ADGRB2: variants seen among roughly 807,000 people sequenced by gnomAD.
The protein encoded by ADGRB2 is brain-specific angiogenesis inhibitor 2.
A neutral mutation model predicts 178.7 loss-of-function variants in ADGRB2; 47 were observed. The observed-to-expected ratio is 0.26, with a 90% CI of 0.21 to 0.34. ADGRB2 has a LOEUF of 0.34. Among genes scored for constraint, ADGRB2 ranks in the 10% least tolerant of loss-of-function variants. ADGRB2 has a pLI of 1.00. For synonymous variants in ADGRB2, 870 were observed against 912.4 expected, an observed-to-expected ratio of 0.95 and a Z score of 0.84; for missense variants, 1,584 against 2,180.8, an observed-to-expected ratio of 0.73 and a Z score of 5.45.
Position 31,727,770 on chromosome 1 carries a change from G to C in ADGRB2, c.4573-165C>G. 1.1e-6 allele frequency: 1 copy of C among 898,278 alleles called. No homozygotes were observed. The highest frequency in any genetic ancestry group is 1.6e-6 in the Non-Finnish European group (1 of 614,980). The allele number at this position is 898,278 out of a possible 1,614,324, so 55.6% of individuals were successfully genotyped here. A position where few individuals can be genotyped will look rare whatever the true frequency, so the allele number is the denominator to read the frequency against. On this transcript the variant is annotated intron_variant, in intron 32 of 32. Transcript: ENST00000373658. This position sits in a 1 kb window ranked among gnomAD's most constrained non-coding sequence, Gnocchi z 4.4. Reference sequence around the variant, plus strand: ...CAGACCTGCCTGGTTCCAGGGTGGGGCTCCTGACCCCTGTTCTCAGTGGCC... The same window carrying C: ...CAGACCTGCCTGGTTCCAGGGTGGGCCTCCTGACCCCTGTTCTCAGTGGCC...
chr1:31,762,869 C>G (rs1647082834), intron 1 of ADGRB2, among the ~76,000 whole-genome samples: 1 of 152,174 alleles, frequency 6.6e-6, no homozygotes, highest in African/African-American at 2.4e-5. Context: ...GCGAGGCGGG[C>G]AGGCAGGCGG....
intron 7 of ADGRB2, 37 bp downstream of exon 7, chr1:31,742,801 G>C: frequency 7.1e-7 from 1 of 1,400,736 alleles, no homozygotes; most frequent in East Asian, 3.0e-5. Flanking sequence ...CACCGGGCTG[G>C]GCAGCGCCCT....
At chr1:31,757,704 G>A (rs1022145058) in intron 1 of ADGRB2, among the ~76,000 whole-genome samples, 193 bp from the exon 2 acceptor site, 3 of 152,136 alleles carry the variant, frequency 2.0e-5, no homozygotes, top group African/African-American at 7.2e-5. Flanking sequence ...GCCTGGTTCA[G>A]GGCCTGCTAC....
chr1:31,751,190 C>A (rs570972673), intron 4 of ADGRB2, among the ~76,000 whole-genome samples: 36 of 152,248 alleles, frequency 2.4e-4, no homozygotes, highest in Non-Finnish European at 4.8e-4. Flanking sequence ...CACACCTCCA[C>A]GCCCTTGCAC....
Position 31,753,682 on chromosome 1 carries a change from G to A in ADGRB2, c.838+2317C>T, listed in dbSNP as rs1570042972. Among the ~76,000 whole-genome samples the A allele has an allele frequency of 6.6e-6, 1 of 152,246 alleles. No homozygotes were observed. Among genetic ancestry groups the A allele is most frequent in the Non-Finnish European group, 1.5e-5 (1 of 68,042 alleles). ...GGAGGAGACAAGGGGAGGAATGGAG[G>A]GGGCCAAAGGCTCGGCAAAGGTGGT... is the stretch of plus-strand genomic sequence containing the variant. On this transcript the variant is annotated intron_variant, in intron 4 of 32. Coordinates refer to ENST00000373658, the MANE Select transcript of ADGRB2 (RefSeq NM_001364857.2). This position sits in a 1 kb window ranked among gnomAD's most constrained non-coding sequence, Gnocchi z 4.1.
At chr1:31,732,343 G>C (rs1226309933) in intron 27 of ADGRB2, among the ~76,000 whole-genome samples, 174 bp downstream of exon 27, 1 of 152,272 alleles carries the variant, frequency 6.6e-6, no homozygotes, top group African/African-American at 2.4e-5. Context: ...TAGGAAAACT[G>C]AGTGGGGGAA....
intron 4 of ADGRB2, among the ~76,000 whole-genome samples, chr1:31,749,256 C>G (rs1202491353): frequency 6.6e-6 from 1 of 152,196 alleles, no homozygotes; most frequent in Non-Finnish European, 1.5e-5. Context: ...CACCACTCCC[C>G]AGCTGAGGAA....
chr1:31,761,041 G>A lies in ADGRB2; in HGVS notation c.-191+2843C>T, dbSNP rs536035888. Reference sequence around the variant, plus strand: ...CTGGGGGCGGTGCCGCGCGGGCGGCGGGGGAGGGGGCGGTGACTCAGCCGC... The same window carrying A: ...CTGGGGGCGGTGCCGCGCGGGCGGCAGGGGAGGGGGCGGTGACTCAGCCGC... On this transcript the variant is annotated intron_variant, in intron 1 of 32. Coordinates refer to ENST00000373658, the MANE Select transcript of ADGRB2 (RefSeq NM_001364857.2). The surrounding 1 kb of genome is among the most constrained non-coding windows in gnomAD (Gnocchi z 4.2). 4 of 152,256 alleles carry A rather than the reference G, an allele frequency of 2.6e-5. No individual in the cohort carries two copies. Among genetic ancestry groups the A allele is most frequent in the Admixed American group, 2.6e-4 (4 of 15,304 alleles). 9.4% of individuals were successfully genotyped at this position (152,256 alleles called of 1,614,324 possible). A position where few individuals can be genotyped will look rare whatever the true frequency, so the allele number is the denominator to read the frequency against.
chr1:31,732,783 G>A (rs1645359711), intron 26 of ADGRB2, among the ~76,000 whole-genome samples, 171 bp from the exon 27 acceptor site: 1 of 152,248 alleles, frequency 6.6e-6, no homozygotes, highest in Non-Finnish European at 1.5e-5. Context: ...GGAGACCCAG[G>A]AGGCCAAGGA....
In ADGRB2 at chr1:31,728,533, T is replaced by C. The variant is rs960588451; in HGVS notation, c.4416+65A>G. 7 of 1,606,400 alleles carry C rather than the reference T, an allele frequency of 4.4e-6. No homozygotes were observed. Among genetic ancestry groups the C allele is most frequent in the Non-Finnish European group, 5.1e-6 (6 of 1,173,162 alleles). On this transcript the variant is annotated intron_variant, in intron 30 of 32. Transcript: ENST00000373658. The surrounding 1 kb of genome is among the most constrained non-coding windows in gnomAD (Gnocchi z 6.7). ...ACAGAGCTTGGACTACTTTTAGGAG[T>C]GAGCCCTCCAGGGACAGACACCACA...
Position 31,727,581 on chromosome 1 carries a change from G to T in ADGRB2, c.4597C>A (p.Pro1533Thr), listed in dbSNP as rs766754899. ...CTDKPSPGER[P>T]SLSQHRRHQS... ...TGGCGCCGATGTTGGGACAAGCTGG[G>T]GCGCTCCCCAGGGCTGGGCTTATCC... The change falls in exon 33 of 33, where the codon CCC becomes ACC. Residue 1533 changes from proline to threonine, a missense_variant. By Grantham distance (38) the Pro-to-Thr change is conservative (BLOSUM62 -1). Around this residue, in one of 3 missense-constraint regions of ADGRB2, gnomAD observed 865 missense variants for 1,192.8 expected, o/e 0.73. Coordinates refer to ENST00000373658, the MANE Select transcript of ADGRB2 (RefSeq NM_001364857.2). The surrounding 1 kb of genome is among the most constrained non-coding windows in gnomAD (Gnocchi z 4.4). 2 of 1,559,582 alleles carry T rather than the reference G, an allele frequency of 1.3e-6. No homozygotes were observed. The highest frequency in any genetic ancestry group is 2.5e-5 in the South Asian group (2 of 81,464).
intron 28 of ADGRB2, 39 bp from the exon 29 acceptor site, chr1:31,731,458 G>A (rs750192963): frequency 7.2e-6 from 11 of 1,535,164 alleles, no homozygotes; most frequent in Non-Finnish European, 9.6e-6. Context: ...GAGTCCTGAG[G>A]AGAAGGAACC....
rs1227279729 is a variant in ADGRB2, at chr1:31,752,503, C to T, written c.838+3496G>A. Among the ~76,000 whole-genome samples the T allele has an allele frequency of 2.6e-5, 4 of 152,134 alleles. No homozygotes were observed. The South Asian group carries it at 6.2e-4, about 24-fold the overall frequency. ...GGCCGAGAGAGCAGCAGGGTCTGAGCGCTGGGAGGGAAACGCCAATCTTAG... is the reference window on the plus strand; with the variant it reads ...GGCCGAGAGAGCAGCAGGGTCTGAGTGCTGGGAGGGAAACGCCAATCTTAG... On this transcript the variant is annotated intron_variant, in intron 4 of 32. Transcript: ENST00000373658.
chr1:31,740,933 TCTCTCTCTCA>T lies in ADGRB2; in HGVS notation c.1795-402_1795-393del, dbSNP rs1008822805. ...CACACACACACACACACACTGTCTT[TCTCTCTCTCA>T]CTCTCTCTCAACACAAGCTCTAAAT... On this transcript the variant is annotated intron_variant, in intron 11 of 32. Coordinates refer to ENST00000373658, the MANE Select transcript of ADGRB2 (RefSeq NM_001364857.2). This position sits in a 1 kb window ranked among gnomAD's most constrained non-coding sequence, Gnocchi z 5.9. 3.1e-5 allele frequency among the ~76,000 whole-genome samples: 4 copies of T among 128,690 alleles called. No homozygotes were observed. The highest frequency in any genetic ancestry group is 8.3e-5 in the African/African-American group (3 of 36,174). The allele number at this position is 128,690 out of a possible 152,430, so 84.4% of individuals were successfully genotyped here. A position where few individuals can be genotyped will look rare whatever the true frequency, so the allele number is the denominator to read the frequency against.
At position 31,728,698 on chromosome 1, in the gene ADGRB2, A is replaced by T; in HGVS notation, c.4381-65T>A. On this transcript the variant is annotated intron_variant, in intron 29 of 32. Coordinates refer to ENST00000373658, the MANE Select transcript of ADGRB2 (RefSeq NM_001364857.2). This position sits in a 1 kb window ranked among gnomAD's most constrained non-coding sequence, Gnocchi z 6.7. Reference sequence around the variant, plus strand: ...GCTTTTTACCACCGGCAGGGGCTTTAGAGACAGGAAGCCTGGCATCCCAGG... The same window carrying T: ...GCTTTTTACCACCGGCAGGGGCTTTTGAGACAGGAAGCCTGGCATCCCAGG... 1.3e-6 allele frequency: 2 copies of T among 1,590,244 alleles called. No individual in the cohort carries two copies. Among genetic ancestry groups the T allele is most frequent in the Non-Finnish European group, 1.7e-6 (2 of 1,159,146 alleles).
rs1321658718 is a variant in ADGRB2, at chr1:31,754,052, C to G, written c.838+1947G>C. Among the ~76,000 whole-genome samples, 1 of 152,204 alleles carries G rather than the reference C, an allele frequency of 6.6e-6. No individual in the cohort carries two copies. Among genetic ancestry groups the G allele is most frequent in the Non-Finnish European group, 1.5e-5 (1 of 68,016 alleles). Reference sequence around the variant, plus strand: ...TTGGGAACAGCTGGGAGCCCCAGCTCAGGGCTCCCTGCTCAGAGAGACACC... The same window carrying G: ...TTGGGAACAGCTGGGAGCCCCAGCTGAGGGCTCCCTGCTCAGAGAGACACC... On this transcript the variant is annotated intron_variant, in intron 4 of 32. Coordinates refer to ENST00000373658, the MANE Select transcript of ADGRB2 (RefSeq NM_001364857.2). This position sits in a 1 kb window ranked among gnomAD's most constrained non-coding sequence, Gnocchi z 5.7.
rs767987939 is a variant in ADGRB2 at position 31,737,474 on chromosome 1, T to C, written c.2934A>G (p.Ala978=). The change falls in exon 20 of 33, where the codon GCA becomes GCG. Residue 978 remains alanine (A), a synonymous_variant. Coordinates refer to ENST00000373658, the MANE Select transcript of ADGRB2 (RefSeq NM_001364857.2). ...GGCCCACGAGGATCAGGATGTTGGA[T>C]GCCAAGATGGACAGGCAGAAGTTCA... ...ILLNFCLSIL[A]SNILILVGQS... The C allele has an allele frequency of 3.7e-6, 6 of 1,614,046 alleles. No individual in the cohort carries two copies. Among genetic ancestry groups the C allele is most frequent in the African/African-American group, 1.3e-5 (1 of 74,904 alleles).
At chr1:31,737,364 G>C in intron 20 of ADGRB2, 65 bp downstream of exon 20, 1 of 1,442,886 alleles carries the variant, frequency 6.9e-7, no homozygotes, top group Admixed American at 1.7e-5. Flanking sequence ...CACACACACT[G>C]CGCTCTCCAC....
At position 31,741,776 on chromosome 1, in the gene ADGRB2, C is replaced by T. The variant is rs1243305070; in HGVS notation, c.1585+24G>A. 6.3e-7 allele frequency: 1 copy of T among 1,596,974 alleles called. No homozygotes were observed. Among genetic ancestry groups the T allele is most frequent in the East Asian group, 2.2e-5 (1 of 44,564 alleles). ...CTGGGTCCACACATGGGGCCCCCAGCCCCCAGGGTCATTAGGGCAGTACCT... is the reference window on the plus strand; with the variant it reads ...CTGGGTCCACACATGGGGCCCCCAGTCCCCAGGGTCATTAGGGCAGTACCT... On this transcript the variant is annotated intron_variant, in intron 9 of 32. Coordinates refer to ENST00000373658, the MANE Select transcript of ADGRB2 (RefSeq NM_001364857.2). This position sits in a 1 kb window ranked among gnomAD's most constrained non-coding sequence, Gnocchi z 6.5.
Sources: gnomAD v4.1 joint callset for allele counts (sites outside exome capture counted in the v4.1 genomes callset) on GRCh38, gnomAD v4.1.1 for gene constraint, gnomAD v4.1.1 regional missense constraint, Gnocchi (gnomAD v3.1) non-coding constraint, MANE v1.5 for transcripts, NCBI Gene and HGNC (gene_info 2026-07-23, HGNC 2026-07-21) for gene names.